Variants in WWP1 observed in about 807,000 individuals in gnomAD.
The protein encoded by WWP1 is NEDD4-like E3 ubiquitin-protein ligase WWP1.
WWP1 carries 49 observed loss-of-function variants against 130.6 expected under a neutral mutation model. The observed-to-expected ratio is 0.38, with a 90% CI of 0.30 to 0.48. The LOEUF is 0.48. Among genes scored for constraint, WWP1 ranks in the 20% least tolerant of loss-of-function variants. The pLI, the probability that WWP1 is intolerant of heterozygous loss-of-function variation, is 0.99. For synonymous variants in WWP1, 332 were observed against 367.8 expected (o/e 0.90, Z 1.11); for missense variants, 809 against 1,100.6 (o/e 0.74, Z 3.75).
chr8:86,435,728 A>G (rs1429072274), intron 16 of WWP1, 24 bp downstream of exon 16: 1 of 1,607,018 alleles, frequency 6.2e-7, no homozygotes. Context: ...TAGCAGAATA[A>G]AACACCATTT....
chr8:86,426,846 T>C (rs1242036821), intron 10 of WWP1, among the ~76,000 whole-genome samples: 1 of 152,116 alleles, frequency 6.6e-6, no homozygotes, highest in Non-Finnish European at 1.5e-5. Context: ...GCAAGCACTG[T>C]CAGTAAATGC....
intron 5 of WWP1, among the ~76,000 whole-genome samples, chr8:86,382,017 A>G (rs1157222777): frequency 2.0e-5 from 3 of 152,130 alleles, no homozygotes; most frequent in Non-Finnish European, 4.4e-5. Context: ...TTATTATTAT[A>G]TAATTAGTTT....
In WWP1 at chr8:86,442,794, T is replaced by A; in HGVS notation, c.1998+16T>A. ...TATTGCCATGGTGAGTTCCTGACTT[T>A]ATTATTATTTATTTAAGTTTGTTAC... On this transcript the variant is annotated intron_variant, in intron 18 of 24. Coordinates refer to ENST00000517970, the MANE Select transcript of WWP1 (RefSeq NM_007013.4). The A allele has an allele frequency of 6.4e-7, 1 of 1,571,704 alleles. No homozygotes were observed. The highest frequency in any genetic ancestry group is 8.6e-7 in the Non-Finnish European group (1 of 1,165,572).
intron 1 of WWP1, among the ~76,000 whole-genome samples, chr8:86,351,373 C>G (rs900118621): frequency 6.6e-6 from 1 of 152,160 alleles, no homozygotes; most frequent in Non-Finnish European, 1.5e-5. Flanking sequence ...TCCGACAGCT[C>G]TGTCTCCCAG....
chr8:86,423,953 ATAAGCGCTAACTTAAGTTAGCGCTTAT>A (rs1441327905), intron 9 of WWP1, among the ~76,000 whole-genome samples: 14 of 3,198 alleles, frequency 4.4e-3, no homozygotes, highest in East Asian at 0.012. Context: ...GGCTGCCCCC[ATAAGCGCTAACTTAAGTTAGCGCTTAT>A]GGGGCTGCCC....
At chr8:86,391,178 T>G (rs1807314787) in intron 5 of WWP1, among the ~76,000 whole-genome samples, 1 of 152,210 alleles carries the variant, frequency 6.6e-6, no homozygotes, top group Non-Finnish European at 1.5e-5. Flanking sequence ...TTGTTCCACT[T>G]CTTCACATTT....
chr8:86,372,360 G>A (rs906611579), intron 2 of WWP1, among the ~76,000 whole-genome samples: 18 of 152,132 alleles, frequency 1.2e-4, no homozygotes, highest in Admixed American at 3.9e-4. Context: ...GGTTTTCGCC[G>A]TGTTGGCCAG....
chr8:86,402,050 A>G lies in WWP1; in HGVS notation c.571A>G (p.Asn191Asp). The stretch of plus-strand genomic sequence containing the variant: ...TGTTGAAGGCACGAATGGAATAGAT[A>G]ATCATGTACCTACAAGCACTCTAGT... Reference protein sequence around the residue: ...LAVEGTNGIDNHVPTSTLVQN... With the variant: ...LAVEGTNGIDDHVPTSTLVQN... The change falls in exon 8 of 25, where the codon AAT becomes GAT. Residue 191 changes from asparagine (N) to aspartate (D), a missense_variant. Physicochemically the swap from Asn to Asp is conservative, Grantham distance 23. Coordinates refer to ENST00000517970, the MANE Select transcript of WWP1 (RefSeq NM_007013.4). The G allele has an allele frequency of 6.2e-7, 1 of 1,607,996 alleles. No homozygotes were observed. Among genetic ancestry groups the G allele is most frequent in the Non-Finnish European group, 8.5e-7 (1 of 1,176,858 alleles).
chr8:86,448,154 T>C lies in WWP1; in HGVS notation c.2005T>C (p.Phe669Leu). The C allele has an allele frequency of 6.4e-7, 1 of 1,554,632 alleles. No homozygotes were observed. The highest frequency in any genetic ancestry group is 8.6e-7 in the Non-Finnish European group (1 of 1,164,232). ...FIGRFIAMAL[F>L]HGKFIDTGFS... The stretch of plus-strand genomic sequence containing the variant: ...TTTTCATTTTTCTTTGCAGGCACTA[T>C]TTCATGGAAAGTTTATCGATACTGG... The change falls in exon 19 of 25, where the codon TTT becomes CTT. Residue 669 changes from phenylalanine (F) to leucine (L), a missense_variant. Around this residue, in one of 3 missense-constraint regions of WWP1, gnomAD observed 450 missense variants for 674.2 expected, o/e 0.67. Transcript: ENST00000517970.
intron 24 of WWP1, among the ~76,000 whole-genome samples, chr8:86,464,497 A>G (rs1201208803): frequency 1.3e-5 from 2 of 151,894 alleles, no homozygotes; most frequent in South Asian, 4.2e-4. Flanking sequence ...ATATAAATAA[A>G]AGCTCTTTGC....
chr8:86,458,908 C>T (rs1811601764), intron 22 of WWP1, among the ~76,000 whole-genome samples: 1 of 151,780 alleles, frequency 6.6e-6, no homozygotes, highest in Non-Finnish European at 1.5e-5. Context: ...GGTATACTAA[C>T]AGAGACTTGA....
chr8:86,401,887 A>G (rs1807999948), intron 7 of WWP1, 132 bp from the exon 8 acceptor site: 18 of 883,576 alleles, frequency 2.0e-5, no homozygotes, highest in Non-Finnish European at 2.5e-5. Context: ...GTTTGGAAAT[A>G]GAATCTAAAA....
chr8:86,432,693 C>T (rs973829275), intron 14 of WWP1, among the ~76,000 whole-genome samples: 5 of 152,032 alleles, frequency 3.3e-5, no homozygotes, highest in African/African-American at 9.7e-5. Flanking sequence ...CTGCAACCTC[C>T]ACCTCCTGGG....
chr8:86,422,168 A>G (rs1195757852), intron 9 of WWP1, among the ~76,000 whole-genome samples: 1 of 152,182 alleles, frequency 6.6e-6, no homozygotes, highest in African/African-American at 2.4e-5. Context: ...GTCAAGAAAG[A>G]GAACATTGTC....
chr8:86,350,366 C>T (rs1187470161), intron 1 of WWP1, among the ~76,000 whole-genome samples: 1 of 152,130 alleles, frequency 6.6e-6, no homozygotes, highest in Non-Finnish European at 1.5e-5. Context: ...ATTATAGCTT[C>T]TGAGTGGAGT....
intron 14 of WWP1, among the ~76,000 whole-genome samples, chr8:86,433,302 C>T (rs542968693): frequency 7.5e-6 from 1 of 133,196 alleles, no homozygotes; most frequent in Non-Finnish European, 1.5e-5. Flanking sequence ...GCTTTTAAAA[C>T]ATGTGCCTGC....
At chr8:86,351,443 A>T (rs1480956664) in intron 1 of WWP1, among the ~76,000 whole-genome samples, 1 of 151,906 alleles carries the variant, frequency 6.6e-6, no homozygotes, top group East Asian at 1.9e-4. Flanking sequence ...GGCTCAAGCA[A>T]TCCTCCCACC....
At chr8:86,452,830 C>T (rs1164672790) in intron 21 of WWP1, 151 bp downstream of exon 21, 1 of 997,316 alleles carries the variant, frequency 1.0e-6, no homozygotes, top group African/African-American at 1.6e-5. Context: ...GGTATTTATT[C>T]TAGCATTGGG....
chr8:86,431,087 A>G (rs1278441121), intron 12 of WWP1, among the ~76,000 whole-genome samples: 1 of 137,450 alleles, frequency 7.3e-6, no homozygotes, highest in Non-Finnish European at 1.5e-5. Context: ...AGGGATATAT[A>G]TATGTATTAT....
Sources: allele counts gnomAD v4.1 joint callset (sites outside exome capture counted in the v4.1 genomes callset), GRCh38; gene constraint gnomAD v4.1.1; regional missense constraint gnomAD v4.1.1; transcripts MANE v1.5; gene names NCBI Gene and HGNC (gene_info 2026-07-23, HGNC 2026-07-21).